Variants in GRB14 observed in about 807,000 individuals in gnomAD.
GRB14 encodes the protein growth factor receptor bound protein 14, also known as growth factor receptor-bound protein 14.
Under a neutral mutation model 69.1 loss-of-function variants are expected in GRB14, and 38 were observed. The ratio of observed to expected loss-of-function variants is 0.55; its 90% CI spans 0.42 to 0.72. GRB14 has a LOEUF of 0.72. GRB14 is among the 30% of genes least tolerant of loss of function. The pLI is 0.00. For missense variants in GRB14, 666 were observed against 666.1 expected, an observed-to-expected ratio of 1.00 and a Z score of 0.00; for synonymous variants, 247 against 241.3, an observed-to-expected ratio of 1.02 and a Z score of -0.22.
At chr2:164,526,387 C>G (rs977318149) in intron 4 of GRB14, among the ~76,000 whole-genome samples, 1 of 151,946 alleles carries the variant, frequency 6.6e-6, no homozygotes, top group African/African-American at 2.4e-5. Context: ...GAATGTGACA[C>G]ACATTTATTT....
chr2:164,544,920 T>C (rs1164752673), intron 3 of GRB14, among the ~76,000 whole-genome samples: 3 of 152,206 alleles, frequency 2.0e-5, no homozygotes, highest in Non-Finnish European at 4.4e-5. Context: ...TCCCAAATCT[T>C]TAAAAAATGA....
At position 164,549,863 on chromosome 2, in the gene GRB14, A is replaced by AAAAATAAAAT. The variant is rs10557491; in HGVS notation, c.325-2057_325-2048dup. Reference sequence around the variant, plus strand: ...TAGGTGACAGAGTGAGACTCCATCTAAAAATAAAATAAAATAAAATAAAAT... The same window carrying AAAAATAAAAT: ...TAGGTGACAGAGTGAGACTCCATCTAAAAATAAAATAAAATAAAATAAAATAAAATAAAAT... On this transcript the variant is annotated intron_variant, in intron 2 of 13. Coordinates refer to ENST00000263915, the MANE Select transcript of GRB14 (RefSeq NM_004490.3). 9.4e-3 allele frequency among the ~76,000 whole-genome samples: 1,037 copies of AAAAATAAAAT among 110,062 alleles called. 14 individuals carry two copies. The highest frequency in any genetic ancestry group is 0.024 in the African/African-American group (722 of 29,552). The allele number at this position is 110,062 out of a possible 152,430, so 72.2% of individuals were successfully genotyped here. A position where few individuals can be genotyped will look rare whatever the true frequency, so the allele number is the denominator to read the frequency against.
intron 2 of GRB14, among the ~76,000 whole-genome samples, chr2:164,618,976 T>C (rs1187415210): frequency 6.6e-6 from 1 of 152,242 alleles, no homozygotes; most frequent in Non-Finnish European, 1.5e-5. Context: ...AGAGATGAAT[T>C]ATTCTATGAT....
At chr2:164,579,560 A>G (rs977889169) in intron 2 of GRB14, among the ~76,000 whole-genome samples, 2 of 151,974 alleles carry the variant, frequency 1.3e-5, no homozygotes, top group African/African-American at 4.8e-5. Context: ...GGGACCATTT[A>G]GACATCAAAA....
At chr2:164,586,939 A>G (rs1356082753) in intron 2 of GRB14, among the ~76,000 whole-genome samples, 1 of 152,212 alleles carries the variant, frequency 6.6e-6, no homozygotes, top group Non-Finnish European at 1.5e-5. Flanking sequence ...CAGAAGGAGA[A>G]AACAGAAGAA....
intron 2 of GRB14, among the ~76,000 whole-genome samples, chr2:164,563,128 T>G (rs1688876217): frequency 1.3e-5 from 2 of 151,874 alleles, no homozygotes; most frequent in South Asian, 4.2e-4. Flanking sequence ...ATCCATGGCC[T>G]TCCACGACCC....
At chr2:164,549,800 G>T (rs966613792) in intron 2 of GRB14, among the ~76,000 whole-genome samples, 2 of 151,554 alleles carry the variant, frequency 1.3e-5, no homozygotes, top group African/African-American at 4.9e-5. Context: ...GGAGGCGGAG[G>T]TTGCAGTGAG....
chr2:164,506,238 C>A (rs1687184622), intron 8 of GRB14, among the ~76,000 whole-genome samples: 1 of 152,144 alleles, frequency 6.6e-6, no homozygotes, highest in African/African-American at 2.4e-5. Context: ...ATTCAGAAAG[C>A]TTCTCAGGTG....
intron 8 of GRB14, among the ~76,000 whole-genome samples, chr2:164,507,362 G>A (rs1465547450): frequency 6.6e-6 from 1 of 152,080 alleles, no homozygotes; most frequent in Middle Eastern, 3.2e-3. Flanking sequence ...GGGAACCTAA[G>A]GACTTCACAG....
At chr2:164,619,642 C>G in intron 2 of GRB14, 45 bp downstream of exon 2, 1 of 1,378,130 alleles carries the variant, frequency 7.3e-7, no homozygotes, top group Non-Finnish European at 1.0e-6. Context: ...TGTATGGATT[C>G]AGAACTCCTA....
intron 2 of GRB14, among the ~76,000 whole-genome samples, chr2:164,596,640 A>C (rs1689787400): frequency 6.6e-6 from 1 of 152,212 alleles, no homozygotes; most frequent in Non-Finnish European, 1.5e-5. Context: ...AAAAATAGCA[A>C]ATAGTTTAGA....
chr2:164,497,030 T>A lies in GRB14; in HGVS notation c.1360A>T (p.Ile454Phe), dbSNP rs145405254. 135 of 1,613,768 alleles carry A rather than the reference T, an allele frequency of 8.4e-5. No homozygotes were observed. The highest frequency in any genetic ancestry group is 5.1e-5 in the Non-Finnish European group (60 of 1,179,814). ...TACCCATCCACAAGTCCTTGCTGAA[T>A]AATCAATCGCTGAGCCTCATCTCTA... ...ISRDEAQRLI[I>F]QQGLVDGVFL... Residue 454 changes from isoleucine (I) to phenylalanine (F), a missense_variant, in exon 12 of 14, where the codon ATT becomes TTT. Transcript: ENST00000263915.
intron 8 of GRB14, among the ~76,000 whole-genome samples, chr2:164,502,720 A>AC (rs1415323688): frequency 6.6e-6 from 1 of 151,950 alleles, no homozygotes; most frequent in Non-Finnish European, 1.5e-5. Context: ...AACTTCACAC[A>AC]CATCCTAAGC....
At chr2:164,551,611 C>T (rs1316592913) in intron 2 of GRB14, among the ~76,000 whole-genome samples, 2 of 152,118 alleles carry the variant, frequency 1.3e-5, no homozygotes, top group Non-Finnish European at 2.9e-5. Flanking sequence ...TTCTTAGTTG[C>T]ACGTGTGATT....
chr2:164,555,179 CA>C (rs1688646762), intron 2 of GRB14, among the ~76,000 whole-genome samples: 1 of 152,142 alleles, frequency 6.6e-6, no homozygotes, highest in South Asian at 2.1e-4. Context: ...TTGCTGACTC[CA>C]AGGAATGGGA....
In GRB14 at chr2:164,547,766, G is replaced by A. The variant is rs201674196; in HGVS notation, c.375C>T (p.Pro125=). The A allele has an allele frequency of 2.5e-6, 4 of 1,613,558 alleles. No homozygotes were observed. The highest frequency in any genetic ancestry group is 3.4e-6 in the Non-Finnish European group (4 of 1,179,708). ...EDETSRALDV[P]SDITARDVCQ... ...AAACATCTCGAGCCGTTATGTCACT[G>A]GGTACATCTAAAGCCCTGCTGGTTT... The change falls in exon 3 of 14, where the codon CCC becomes CCT. Residue 125 remains proline, a synonymous_variant. Transcript: ENST00000263915.
intron 6 of GRB14, among the ~76,000 whole-genome samples, chr2:164,513,645 G>T (rs1298139699): frequency 1.3e-5 from 2 of 152,198 alleles, no homozygotes; most frequent in African/African-American, 4.8e-5. Context: ...AGATGAGTTT[G>T]CAGATTGAAT....
intron 3 of GRB14, among the ~76,000 whole-genome samples, chr2:164,533,224 CTTTTTTTT>C (rs537913705): frequency 1.2e-5 from 1 of 80,348 alleles, no homozygotes; most frequent in Admixed American, 1.6e-4. Context: ...GTTTCCAATT[CTTTTTTTT>C]TTTTTTTTTT....
chr2:164,566,948 A>G (rs1559054296), intron 2 of GRB14, among the ~76,000 whole-genome samples: 1 of 152,050 alleles, frequency 6.6e-6, no homozygotes. Context: ...CCATCATACC[A>G]ACATGTCATC....
Sources: gnomAD v4.1 joint callset for allele counts (sites outside exome capture counted in the v4.1 genomes callset) on GRCh38, gnomAD v4.1.1 for gene constraint, MANE v1.5 for transcripts, NCBI Gene and HGNC (gene_info 2026-07-23, HGNC 2026-07-21) for gene names.